The following SHISA6 variants were observed in gnomAD, a reference collection of about 807,000 sequenced individuals.
SHISA6 encodes shisa family member 6, also known as protein shisa-6.
A neutral mutation model predicts 47.9 loss-of-function variants in SHISA6; 22 were observed. That is an observed-to-expected ratio of 0.46 (90% CI 0.33 to 0.66). The LOEUF is 0.66. SHISA6 is among the 30% of genes least tolerant of loss of function. The pLI is 0.02. For missense variants in SHISA6, 680 were observed against 764.6 expected (o/e 0.89, Z 1.30); for synonymous variants, 388 against 337.8 (o/e 1.15, Z -1.63).
intron 3 of SHISA6, among the ~76,000 whole-genome samples, chr17:11,451,738 G>A (rs1046985201): frequency 2.0e-5 from 3 of 152,176 alleles, no homozygotes; most frequent in Non-Finnish European, 2.9e-5. Context: ...TTGCACAGAG[G>A]CAGGGTGAGG....
intron 3 of SHISA6, among the ~76,000 whole-genome samples, chr17:11,432,597 T>C (rs539450286): frequency 6.6e-6 from 1 of 152,314 alleles, no homozygotes; most frequent in East Asian, 1.9e-4. Flanking sequence ...TGGGAGGACA[T>C]AGAATAACTC....
chr17:11,296,200 C>G (rs1007889554), intron 2 of SHISA6, among the ~76,000 whole-genome samples: 3 of 152,088 alleles, frequency 2.0e-5, no homozygotes, highest in African/African-American at 7.2e-5. Flanking sequence ...GGAGTGGACA[C>G]TTGGGAATGA....
At chr17:11,352,033 A>G (rs1463589716) in intron 2 of SHISA6, among the ~76,000 whole-genome samples, 2 of 152,156 alleles carry the variant, frequency 1.3e-5, no homozygotes, top group African/African-American at 2.4e-5. Context: ...GATGTTGGAC[A>G]CGTAGGGACA....
At chr17:11,489,568 C>T (rs1226894444) in intron 3 of SHISA6, among the ~76,000 whole-genome samples, 1 of 152,116 alleles carries the variant, frequency 6.6e-6, no homozygotes, top group Non-Finnish European at 1.5e-5. Context: ...AAAAACCCAA[C>T]TCAGAGAACA....
chr17:11,391,729 A>T (rs900821169), intron 3 of SHISA6, among the ~76,000 whole-genome samples: 1 of 152,158 alleles, frequency 6.6e-6, no homozygotes, highest in Non-Finnish European at 1.5e-5. Context: ...CAGTTTCCTC[A>T]TGTAAATCAG....
chr17:11,324,275 G>C (rs552448821), intron 2 of SHISA6, among the ~76,000 whole-genome samples: 1 of 152,132 alleles, frequency 6.6e-6, no homozygotes, highest in Admixed American at 6.5e-5. Context: ...TTTTCCTGTC[G>C]ATGACACTCT....
chr17:11,547,175 G>A (rs2071890381), intron 3 of SHISA6, among the ~76,000 whole-genome samples: 1 of 152,190 alleles, frequency 6.6e-6, no homozygotes, highest in South Asian at 2.1e-4. Context: ...TTAGGATGCA[G>A]AGGAATTGAA....
chr17:11,263,073 G>C lies in SHISA6; in HGVS notation c.639-293G>C, dbSNP rs114543689. ...TATAGATACCTGCCTGGCATAGGTGGATATTTGGGGAGCCAGTATTTTGAA... is the reference window on the plus strand; with the variant it reads ...TATAGATACCTGCCTGGCATAGGTGCATATTTGGGGAGCCAGTATTTTGAA... On this transcript the variant is annotated intron_variant, in intron 1 of 5. Transcript: ENST00000441885. Among the ~76,000 whole-genome samples the C allele has an allele frequency of 3.6e-3, 554 of 152,292 alleles. 2 individuals are homozygous for C. Among genetic ancestry groups the C allele is most frequent in the African/African-American group, 0.013 (526 of 41,552 alleles).
chr17:11,360,154 A>G (rs572454772), intron 2 of SHISA6, among the ~76,000 whole-genome samples: 3 of 152,344 alleles, frequency 2.0e-5, no homozygotes, highest in Non-Finnish European at 4.4e-5. Context: ...GGATGAGTTC[A>G]TGTCCTTTGC....
chr17:11,433,163 T>A (rs1404159511), intron 3 of SHISA6, among the ~76,000 whole-genome samples: 1 of 152,150 alleles, frequency 6.6e-6, no homozygotes, highest in East Asian at 1.9e-4. Flanking sequence ...ACATGTGCCA[T>A]GGTGGTTTGC....
chr17:11,544,591 G>A (rs2071865636), intron 3 of SHISA6, among the ~76,000 whole-genome samples: 1 of 152,132 alleles, frequency 6.6e-6, no homozygotes, highest in Non-Finnish European at 1.5e-5. Flanking sequence ...AGAGAAACTG[G>A]ATCACTCATT....
rs75028241 is a variant in SHISA6, at chr17:11,256,592, A to G, written c.639-6774A>G. Among the ~76,000 whole-genome samples the G allele has an allele frequency of 2.0e-5, 3 of 152,272 alleles. No homozygotes were observed. In the East Asian group the frequency reaches 5.8e-4, roughly 29 times the overall value. ...TGTACACAGGTACAGTTATGAACTC[A>G]TCTGTCCCCTGGTTGACCATATGGC... is the stretch of plus-strand genomic sequence containing the variant. On this transcript the variant is annotated intron_variant, in intron 1 of 5. Transcript: ENST00000441885.
chr17:11,307,195 A>G (rs1198513368), intron 2 of SHISA6, among the ~76,000 whole-genome samples: 1 of 138,462 alleles, frequency 7.2e-6, no homozygotes, highest in Non-Finnish European at 1.6e-5. Context: ...TTTTAGGGAT[A>G]TATTTAGTAC....
intron 2 of SHISA6, among the ~76,000 whole-genome samples, chr17:11,368,945 G>A (rs564087638): frequency 2.6e-5 from 4 of 152,262 alleles, no homozygotes; most frequent in South Asian, 2.1e-4. Context: ...ATGGGCCACC[G>A]AACCCGGCCG....
intron 2 of SHISA6, among the ~76,000 whole-genome samples, chr17:11,316,329 C>CTTTTT (rs66540376): frequency 5.8e-5 from 6 of 103,668 alleles, no homozygotes; most frequent in Admixed American, 1.1e-4. Flanking sequence ...ATTTTCAGGT[C>CTTTTT]TTTTTTTTTT....
At chr17:11,406,768 G>A (rs184740280) in intron 3 of SHISA6, among the ~76,000 whole-genome samples, 221 of 152,164 alleles carry the variant, frequency 1.5e-3, no homozygotes, top group African/African-American at 5.3e-3. Flanking sequence ...CTATTAGATT[G>A]TATAAAATGT....
chr17:11,376,491 A>AT (rs1208001707), intron 2 of SHISA6, among the ~76,000 whole-genome samples: 2 of 151,814 alleles, frequency 1.3e-5, no homozygotes, highest in Non-Finnish European at 2.9e-5. Flanking sequence ...CACTTGGCTC[A>AT]TTTTTTGTAT....
intron 3 of SHISA6, among the ~76,000 whole-genome samples, chr17:11,391,128 A>T (rs958055723): frequency 6.6e-6 from 1 of 152,166 alleles, no homozygotes; most frequent in African/African-American, 2.4e-5. Context: ...CTAAACAAAG[A>T]CATGATCATG....
chr17:11,519,938 C>T (rs3111834), intron 3 of SHISA6, among the ~76,000 whole-genome samples: 67,878 of 151,806 alleles, frequency 0.45, 15,191 homozygotes, highest in East Asian at 0.57. Flanking sequence ...CCTAACTGCT[C>T]TCCTCTGTCA....
Sources: allele counts gnomAD v4.1 joint callset (sites outside exome capture counted in the v4.1 genomes callset), GRCh38; gene constraint gnomAD v4.1.1; transcripts MANE v1.5; gene names NCBI Gene and HGNC (gene_info 2026-07-23, HGNC 2026-07-21).